EPC2: variants seen among roughly 807,000 people sequenced by gnomAD.
EPC2 encodes the protein enhancer of polycomb 2.
Under a neutral mutation model 92.1 loss-of-function variants are expected in EPC2, and 14 were observed. The observed-to-expected ratio is 0.15, with a 90% confidence interval of 0.10 to 0.24. The LOEUF (loss-of-function observed/expected upper bound fraction) is 0.24. Among genes scored for constraint, EPC2 ranks in the 10% least tolerant of loss-of-function variants. The pLI, the probability that EPC2 is intolerant of heterozygous loss-of-function variation, is 1.00. For synonymous variants in EPC2, 340 were observed against 334.7 expected, an observed-to-expected ratio of 1.02 and a Z score of -0.17; for missense variants, 755 against 971.5, an observed-to-expected ratio of 0.78 and a Z score of 2.96.
chr2:148,652,815 C>T (rs1019285026), intron 1 of EPC2, among the ~76,000 whole-genome samples: 4 of 152,078 alleles, frequency 2.6e-5, no homozygotes, highest in African/African-American at 9.7e-5. Flanking sequence ...TTAATTTTTC[C>T]TAGAGCCTAG....
At chr2:148,666,412 G>A (rs1314453133) in intron 1 of EPC2, among the ~76,000 whole-genome samples, 4 of 152,134 alleles carry the variant, frequency 2.6e-5, no homozygotes, top group African/African-American at 9.7e-5. Flanking sequence ...CCAAAGTGCC[G>A]GGATTACGGG....
chr2:148,759,563 T>C (rs1423434452), intron 4 of EPC2, among the ~76,000 whole-genome samples: 6 of 152,186 alleles, frequency 3.9e-5, no homozygotes, highest in East Asian at 3.8e-4. Flanking sequence ...TTCCAGACTT[T>C]AATAATTGTA....
chr2:148,781,214 A>G (rs1683740547), intron 10 of EPC2, among the ~76,000 whole-genome samples: 1 of 152,228 alleles, frequency 6.6e-6, no homozygotes, highest in Non-Finnish European at 1.5e-5. Flanking sequence ...TGAAACCAGC[A>G]GTAAAAATCA....
intron 1 of EPC2, among the ~76,000 whole-genome samples, chr2:148,667,796 C>G (rs1574570190): frequency 6.6e-6 from 1 of 152,078 alleles, no homozygotes; most frequent in South Asian, 2.1e-4. Flanking sequence ...TGAAGACATT[C>G]TTTTGTAGTT....
chr2:148,734,942 T>A (rs1574612100), intron 2 of EPC2, among the ~76,000 whole-genome samples: 1 of 152,084 alleles, frequency 6.6e-6, no homozygotes, highest in East Asian at 1.9e-4. Flanking sequence ...ACATTTGAAT[T>A]GTTTCTAATT....
intron 2 of EPC2, among the ~76,000 whole-genome samples, chr2:148,715,217 T>C (rs181983440): frequency 1.3e-5 from 2 of 152,200 alleles, no homozygotes; most frequent in African/African-American, 4.8e-5. Context: ...GTATTTTTAA[T>C]AGAGACCAGG....
Position 148,691,847 on chromosome 2 carries a change from C to T in EPC2, c.313+1474C>T, listed in dbSNP as rs1412724948. 19 of 636,906 alleles carry T rather than the reference C, an allele frequency of 3.0e-5. No homozygotes were observed. The East Asian group carries it at 5.8e-4, about 20-fold the overall frequency. The allele number at this position is 636,906 out of a possible 1,614,324, so 39.5% of individuals were successfully genotyped here. On this transcript the variant is annotated intron_variant, in intron 2 of 13. Transcript: ENST00000258484. ...TGGCTAATTTATTTCTTTAATCTTA[C>T]ACTGAGGGCATAGCCCTTTGGTAAT...
intron 2 of EPC2, among the ~76,000 whole-genome samples, chr2:148,701,468 A>T (rs1163889339): frequency 6.6e-6 from 1 of 152,156 alleles, no homozygotes; most frequent in Non-Finnish European, 1.5e-5. Context: ...ATCATGAAAG[A>T]GGGTTAGATT....
Position 148,700,727 on chromosome 2 carries a change from A to G in EPC2, c.313+10354A>G, listed in dbSNP as rs369336263. 3.4e-5 allele frequency among the ~76,000 whole-genome samples: 5 copies of G among 148,248 alleles called. 1 individual carries two copies. Among genetic ancestry groups the G allele is most frequent in the African/African-American group, 1.2e-4 (5 of 40,476 alleles). On this transcript the variant is annotated intron_variant, in intron 2 of 13. Transcript: ENST00000258484. ...TTTTAGCACCAGTTGCTCTGAACCT[A>G]AGTCCTCTGCCTTTTTTCTTCTTTA...
chr2:148,757,603 T>C (rs1165714166), intron 4 of EPC2, among the ~76,000 whole-genome samples: 1 of 152,056 alleles, frequency 6.6e-6, no homozygotes, highest in African/African-American at 2.4e-5. Context: ...TTTCAGAGAC[T>C]GAGGCGGGTG....
chr2:148,715,488 C>CTT (rs1682239525), intron 2 of EPC2, among the ~76,000 whole-genome samples: 1 of 152,110 alleles, frequency 6.6e-6, no homozygotes, highest in Non-Finnish European at 1.5e-5. Flanking sequence ...GGAATTCTTT[C>CTT]CCCATTGCTT....
intron 1 of EPC2, among the ~76,000 whole-genome samples, chr2:148,664,639 C>T (rs1319626189): frequency 6.6e-6 from 1 of 152,206 alleles, no homozygotes; most frequent in Non-Finnish European, 1.5e-5. Context: ...CCCCCAATCC[C>T]TCCACCTCCT....
At chr2:148,655,240 T>C (rs1187353358) in intron 1 of EPC2, among the ~76,000 whole-genome samples, 2 of 152,198 alleles carry the variant, frequency 1.3e-5, no homozygotes, top group Admixed American at 6.5e-5. Context: ...GCTTCCTCCT[T>C]CAATTTCCAA....
intron 2 of EPC2, among the ~76,000 whole-genome samples, chr2:148,728,460 A>T (rs1682541712): frequency 6.6e-6 from 1 of 152,006 alleles, no homozygotes. Context: ...AAACGAACTT[A>T]AGGCTGGGCA....
chr2:148,748,744 C>T (rs532921246), intron 3 of EPC2, among the ~76,000 whole-genome samples: 2 of 151,954 alleles, frequency 1.3e-5, no homozygotes, highest in African/African-American at 2.4e-5. Context: ...GTTTTGACTG[C>T]ATTTTGATTG....
chr2:148,689,368 C>A (rs7564596), intron 1 of EPC2, among the ~76,000 whole-genome samples: 1 of 151,962 alleles, frequency 6.6e-6, no homozygotes, highest in East Asian at 1.9e-4. Context: ...TTAGTAGAGT[C>A]GGGGTTTCAC....
At chr2:148,656,025 G>GTGTGTGT (rs551078218) in intron 1 of EPC2, among the ~76,000 whole-genome samples, 132 of 103,162 alleles carry the variant, frequency 1.3e-3, no homozygotes, top group African/African-American at 5.0e-3. Flanking sequence ...GTGTGTGTGT[G>GTGTGTGT]GGGGGGGGGG....
intron 4 of EPC2, 81 bp from the exon 5 acceptor site, chr2:148,761,701 G>A: frequency 4.2e-6 from 4 of 957,702 alleles, no homozygotes; most frequent in Non-Finnish European, 5.8e-6. Flanking sequence ...ATAAATTCAG[G>A]TCTGATAAGA....
chr2:148,784,588 C>G (rs886781052), intron 12 of EPC2, 80 bp from the exon 13 acceptor site: 3 of 1,061,678 alleles, frequency 2.8e-6, no homozygotes, highest in Non-Finnish European at 4.1e-6. Flanking sequence ...TACAAATGTT[C>G]GTATTTATTT....
Sources: allele counts gnomAD v4.1 joint callset (sites outside exome capture counted in the v4.1 genomes callset), GRCh38; gene constraint gnomAD v4.1.1; transcripts MANE v1.5; gene names NCBI Gene and HGNC (gene_info 2026-07-23, HGNC 2026-07-21).